The following MGAT4C variants were observed in gnomAD, a reference collection of about 807,000 sequenced individuals.
MGAT4C encodes alpha-1,3-mannosyl-glycoprotein 4-beta-N-acetylglucosaminyltransferase C.
A neutral mutation model predicts 40.1 loss-of-function variants in MGAT4C; 19 were observed. The ratio of observed to expected loss-of-function variants is 0.47; its 90% CI spans 0.33 to 0.70. The LOEUF (loss-of-function observed/expected upper bound fraction) is 0.70. Among genes scored for constraint, MGAT4C ranks in the 30% least tolerant of loss-of-function variants. The pLI, the probability that MGAT4C is intolerant of heterozygous loss-of-function variation, is 0.02. For synonymous variants in MGAT4C, 181 were observed against 187.1 expected, an observed-to-expected ratio of 0.97 and a Z score of 0.27; for missense variants, 491 against 563.2, an observed-to-expected ratio of 0.87 and a Z score of 1.30.
At chr12:86,609,141 C>T (rs892457350) in intron 2 of MGAT4C, among the ~76,000 whole-genome samples, 9 of 151,998 alleles carry the variant, frequency 5.9e-5, no homozygotes, top group African/African-American at 1.7e-4. Context: ...CATTCCTATG[C>T]ACTATGTGAC....
At chr12:86,460,268 C>T (rs1783423475) in intron 2 of MGAT4C, among the ~76,000 whole-genome samples, 1 of 152,172 alleles carries the variant, frequency 6.6e-6, no homozygotes, top group Non-Finnish European at 1.5e-5. Context: ...CCAAATACTT[C>T]ATCCTCCTGG....
At chr12:86,744,295 G>A (rs1307869085) in intron 1 of MGAT4C, among the ~76,000 whole-genome samples, 1 of 151,176 alleles carries the variant, frequency 6.6e-6, no homozygotes, top group Admixed American at 6.6e-5. Context: ...GACTCAATAG[G>A]TTGCTAAGGA....
At chr12:86,719,364 C>A (rs1416268460) in intron 2 of MGAT4C, among the ~76,000 whole-genome samples, 1 of 152,168 alleles carries the variant, frequency 6.6e-6, no homozygotes. Flanking sequence ...CTGTTTCTCT[C>A]AACCTGTAGA....
rs964130985 is a variant in MGAT4C at position 86,307,476 on chromosome 12, C to T, written c.-57+26589G>A. 6.0e-5 allele frequency among the ~76,000 whole-genome samples: 9 copies of T among 150,080 alleles called. 1 individual carries two copies. Among genetic ancestry groups the T allele is most frequent in the Admixed American group, 2.6e-4 (4 of 15,174 alleles). On this transcript the variant is annotated intron_variant, in intron 4 of 7. Transcript: ENST00000548651. ...GATAATAAGAATTATTACTATCTAG[C>T]CATGAGCTGGAACTAATCAAAAGGG...
chr12:86,831,104 C>A (rs1302130095), intron 1 of MGAT4C, among the ~76,000 whole-genome samples: 1 of 151,592 alleles, frequency 6.6e-6, no homozygotes, highest in Non-Finnish European at 1.5e-5. Context: ...CCATTGGAAA[C>A]CCATGAAGAG....
chr12:86,783,747 T>C (rs1951884629), intron 1 of MGAT4C, among the ~76,000 whole-genome samples: 1 of 152,156 alleles, frequency 6.6e-6, no homozygotes, highest in Non-Finnish European at 1.5e-5. Context: ...CCCTAATCAT[T>C]TCTGTGAAAA....
chr12:86,586,648 T>A (rs1266271300), intron 2 of MGAT4C, among the ~76,000 whole-genome samples: 2 of 138,880 alleles, frequency 1.4e-5, no homozygotes, highest in East Asian at 4.3e-4. Context: ...CCATTCTAAC[T>A]GGTGTGAGAT....
chr12:85,986,378 A>G (rs962952675), intron 3 of MGAT4C, among the ~76,000 whole-genome samples: 1 of 152,226 alleles, frequency 6.6e-6, no homozygotes, highest in Non-Finnish European at 1.5e-5. Context: ...AGATGCTCAA[A>G]GCCAAGAAGC....
chr12:85,999,870 G>T (rs1267982977), intron 2 of MGAT4C, among the ~76,000 whole-genome samples: 2 of 152,122 alleles, frequency 1.3e-5, no homozygotes, highest in Admixed American at 6.5e-5. Context: ...GAGGCTGGGA[G>T]GGGAGATGGA....
At chr12:86,157,804 GAACAGCGTGGGGGA>G (rs1885141971) in intron 1 of MGAT4C, among the ~76,000 whole-genome samples, 1 of 152,080 alleles carries the variant, frequency 6.6e-6, no homozygotes, top group Non-Finnish European at 1.5e-5. Flanking sequence ...ACTATCATGA[GAACAGCGTGGGGGA>G]AACGGCCCCC....
rs1395270638 is a variant in MGAT4C, at chr12:86,548,763, G to C, written c.-228-113498C>G. Reference sequence around the variant, plus strand: ...GCCATAGTCTCTTTATCTGTAAAATGTAATAAAAACTACTCATACATATTT... The same window carrying C: ...GCCATAGTCTCTTTATCTGTAAAATCTAATAAAAACTACTCATACATATTT... On this transcript the variant is annotated intron_variant, in intron 2 of 7. Transcript: ENST00000548651. Among the ~76,000 whole-genome samples the C allele has an allele frequency of 2.0e-5, 3 of 152,130 alleles. No homozygotes were observed. The East Asian group carries it at 5.8e-4, about 29-fold the overall frequency.
chr12:86,659,169 CT>C (rs958567458), intron 2 of MGAT4C, among the ~76,000 whole-genome samples: 30 of 151,728 alleles, frequency 2.0e-4, no homozygotes, highest in African/African-American at 6.5e-4. Flanking sequence ...TTTTATAGCA[CT>C]TTTTTTTCAC....
At chr12:86,116,784 C>CA (rs1878500951) in intron 1 of MGAT4C, among the ~76,000 whole-genome samples, 2 of 152,174 alleles carry the variant, frequency 1.3e-5, no homozygotes, top group South Asian at 2.1e-4. Flanking sequence ...AGGTAATACT[C>CA]ACGATAACAT....
At chr12:86,700,150 C>T (rs781412007) in intron 2 of MGAT4C, among the ~76,000 whole-genome samples, 43 of 17,872 alleles carry the variant, frequency 2.4e-3, no homozygotes, top group Middle Eastern at 0.033. Context: ...GACAGACAGA[C>T]AGACAGACAG....
chr12:86,494,276 T>C (rs563478656), intron 2 of MGAT4C, among the ~76,000 whole-genome samples: 56 of 152,168 alleles, frequency 3.7e-4, no homozygotes, highest in Non-Finnish European at 6.8e-4. Flanking sequence ...TGTTACTGTT[T>C]ATATCACATT....
chr12:86,118,273 A>G (rs1300191840), intron 1 of MGAT4C, among the ~76,000 whole-genome samples: 1 of 152,170 alleles, frequency 6.6e-6, no homozygotes, highest in Non-Finnish European at 1.5e-5. Context: ...GGAAGTTTGC[A>G]ATGACTTGTC....
intron 4 of MGAT4C, among the ~76,000 whole-genome samples, chr12:86,281,305 T>C (rs750981269): frequency 6.6e-6 from 1 of 151,928 alleles, no homozygotes; most frequent in Non-Finnish European, 1.5e-5. Context: ...GTCACACATA[T>C]GTTTTCTCTA....
intron 2 of MGAT4C, among the ~76,000 whole-genome samples, chr12:86,695,370 A>T (rs1950237735): frequency 6.6e-6 from 1 of 152,220 alleles, no homozygotes; most frequent in African/African-American, 2.4e-5. Context: ...AGATTCCTCA[A>T]AAAACTAAAA....
At chr12:86,656,617 C>A (rs752523824) in intron 2 of MGAT4C, among the ~76,000 whole-genome samples, 1 of 152,036 alleles carries the variant, frequency 6.6e-6, no homozygotes, top group Non-Finnish European at 1.5e-5. Flanking sequence ...GATTTACTCT[C>A]CAAAATTGAT....
Sources: allele counts gnomAD v4.1 joint callset (sites outside exome capture counted in the v4.1 genomes callset), GRCh38; gene constraint gnomAD v4.1.1; transcripts MANE v1.5; gene names NCBI Gene and HGNC (gene_info 2026-07-23, HGNC 2026-07-21).